The following SDK1 variants were observed in gnomAD, a reference collection of about 807,000 sequenced individuals.
The protein encoded by SDK1 is sidekick cell adhesion molecule 1, also known as protein sidekick-1.
Under a neutral mutation model 245.5 loss-of-function variants are expected in SDK1, and 157 were observed. That is an observed-to-expected ratio of 0.64 (90% CI 0.56 to 0.73). SDK1 has a LOEUF of 0.73. SDK1 is among the 30% of genes least tolerant of loss of function. SDK1 has a pLI of 0.00. For synonymous variants in SDK1, 1,647 were observed against 1,278.5 expected, an observed-to-expected ratio of 1.29 and a Z score of -6.15; for missense variants, 3,583 against 3,002.3, an observed-to-expected ratio of 1.19 and a Z score of -4.52.
At chr7:3,597,153 T>A (rs905266893) in intron 1 of SDK1, among the ~76,000 whole-genome samples, 1 of 150,936 alleles carries the variant, frequency 6.6e-6, no homozygotes, top group African/African-American at 2.4e-5. Context: ...GTGCCTGTAG[T>A]CCCAGCTACT....
intron 35 of SDK1, among the ~76,000 whole-genome samples, chr7:4,203,282 C>T (rs1783997871): frequency 6.6e-6 from 1 of 152,216 alleles, no homozygotes; most frequent in Non-Finnish European, 1.5e-5. Context: ...AAGCTTGTCT[C>T]TCATTGCCTC....
At position 4,268,886 on chromosome 7, in the gene SDK1, C is replaced by T; in HGVS notation, c.*3502C>T. On this transcript the variant is annotated 3_prime_UTR_variant, in exon 45 of 45. Transcript: ENST00000404826. ...CCCTAAACGTTCCCTACAACTTTTT[C>T]TGAAATTGTGCAGAAAAACAGATCT... 2.1e-6 allele frequency: 1 copy of T among 471,338 alleles called. No homozygotes were observed. 29.2% of individuals were successfully genotyped at this position (471,338 alleles called of 1,614,324 possible).
chr7:4,020,887 A>G (rs1786835032), intron 17 of SDK1, among the ~76,000 whole-genome samples: 1 of 152,190 alleles, frequency 6.6e-6, no homozygotes, highest in African/African-American at 2.4e-5. Context: ...ATGAGATACT[A>G]CGTGTGAAAA....
In SDK1 at chr7:4,268,290, T is replaced by G. The variant is rs537417872; in HGVS notation, c.*2906T>G. ...ACAGGGATGGGTGTGCAGAGCTCCC[T>G]CCTCCTGGGGTGCCAGGGCAGAGAT... On this transcript the variant is annotated 3_prime_UTR_variant, in exon 45 of 45. Transcript: ENST00000404826. 3 of 1,024,874 alleles carry G rather than the reference T, an allele frequency of 2.9e-6. No individual in the cohort carries two copies. Among genetic ancestry groups the G allele is most frequent in the Non-Finnish European group, 3.5e-6 (3 of 853,364 alleles). 63.5% of individuals were successfully genotyped at this position (1,024,874 alleles called of 1,614,324 possible). A position where few individuals can be genotyped will look rare whatever the true frequency, so the allele number is the denominator to read the frequency against.
chr7:4,013,459 A>G (rs1045066114), intron 16 of SDK1, among the ~76,000 whole-genome samples: 3 of 152,206 alleles, frequency 2.0e-5, no homozygotes, highest in Non-Finnish European at 4.4e-5. Flanking sequence ...GGCTCGTTCC[A>G]AGTGTGTGAT....
At chr7:4,096,484 C>T (rs1050188683) in intron 22 of SDK1, among the ~76,000 whole-genome samples, 35 of 152,090 alleles carry the variant, frequency 2.3e-4, no homozygotes, top group Admixed American at 2.2e-3. Context: ...GCCAACTATA[C>T]CGGGATGGGT....
At chr7:3,500,750 C>T (rs1408166039) in intron 1 of SDK1, among the ~76,000 whole-genome samples, 1 of 151,966 alleles carries the variant, frequency 6.6e-6, no homozygotes, top group African/African-American at 2.4e-5. Context: ...ATTTTTTCCT[C>T]TCCTTTCTTT....
At chr7:3,556,187 T>C (rs573466204) in intron 1 of SDK1, among the ~76,000 whole-genome samples, 1 of 151,568 alleles carries the variant, frequency 6.6e-6, no homozygotes, top group African/African-American at 2.4e-5. Flanking sequence ...AGCAGATGAA[T>C]GGATAAAGAA....
intron 1 of SDK1, among the ~76,000 whole-genome samples, chr7:3,312,313 G>A (rs1273149265): frequency 6.6e-6 from 1 of 152,152 alleles, no homozygotes; most frequent in Non-Finnish European, 1.5e-5. Flanking sequence ...GAAGAAACAA[G>A]TCATGCTATA....
chr7:3,314,782 A>T (rs116552597), intron 1 of SDK1, among the ~76,000 whole-genome samples: 2,455 of 152,306 alleles, frequency 0.016, 59 homozygotes, highest in African/African-American at 0.05. Flanking sequence ...GTTTTATTAG[A>T]TGTAGAGATG....
intron 30 of SDK1, 66 bp downstream of exon 30, chr7:4,149,529 C>A (rs1352225711): frequency 7.7e-6 from 9 of 1,175,804 alleles, no homozygotes; most frequent in Admixed American, 3.8e-5. Flanking sequence ...CAGCTCCTGT[C>A]CAGATAGTGG....
rs567396029 is a variant in SDK1, at chr7:3,696,936, G to A, written c.713+54831G>A. Among the ~76,000 whole-genome samples the A allele has an allele frequency of 4.6e-5, 7 of 151,736 alleles. No individual in the cohort carries two copies. The South Asian group carries it at 1.3e-3, about 27-fold the overall frequency. ...AAAAAAAAAAACTCATAAGTAATAC[G>A]GTTTATGGAAAAATTCATCTTGTTT... On this transcript the variant is annotated intron_variant, in intron 4 of 44. Transcript: ENST00000404826.
chr7:3,853,391 G>C (rs550721777), intron 5 of SDK1, among the ~76,000 whole-genome samples: 9 of 152,140 alleles, frequency 5.9e-5, no homozygotes, highest in African/African-American at 9.6e-5. Context: ...AATCTGGCCT[G>C]TGTTTTAAAA....
rs770410026 is a variant in SDK1, at chr7:4,114,240, G to T, written c.3789G>T (p.Trp1263Cys). 1 of 1,612,128 alleles carries T rather than the reference G, an allele frequency of 6.2e-7. No homozygotes were observed. Among genetic ancestry groups the T allele is most frequent in the Non-Finnish European group, 8.5e-7 (1 of 1,179,518 alleles). ...QAFNAVGAGP[W>C]SEVVRGRTRE... ...TCAACGCCGTCGGGGCTGGGCCGTG[G>T]AGCGAGGTGGTGCGGGGCCGGACGC... Residue 1263 changes from tryptophan (W) to cysteine (C), a missense_variant, in exon 25 of 45, where the codon TGG becomes TGT. Coordinates refer to ENST00000404826, the MANE Select transcript of SDK1 (RefSeq NM_152744.4).
In SDK1 at chr7:4,074,995, C is replaced by T. The variant is rs544520495; in HGVS notation, c.3011-2003C>T. Among the ~76,000 whole-genome samples, 18 of 149,032 alleles carry T rather than the reference C, an allele frequency of 1.2e-4. No homozygotes were observed. In the South Asian group the frequency reaches 2.8e-3, roughly 23 times the overall value. On this transcript the variant is annotated intron_variant, in intron 20 of 44. Transcript: ENST00000404826. ...GTGGTTGGCCTGGGTAGTCGGCCTT[C>T]TCCCCTCTCCCTGGGAGGAGGAAAA... is the stretch of plus-strand genomic sequence containing the variant.
At position 4,268,112 on chromosome 7, in the gene SDK1, C is replaced by T; in HGVS notation, c.*2728C>T. ...GCTAGATGGAATGTGCTCCCGCTCTCTCCTGCCGTGCTGAAAGTCATGCCT... is the reference window on the plus strand; with the variant it reads ...GCTAGATGGAATGTGCTCCCGCTCTTTCCTGCCGTGCTGAAAGTCATGCCT... On this transcript the variant is annotated 3_prime_UTR_variant, in exon 45 of 45. Transcript: ENST00000404826. The T allele has an allele frequency of 1.0e-6, 1 of 985,910 alleles. No homozygotes were observed. 61.1% of individuals were successfully genotyped at this position (985,910 alleles called of 1,614,324 possible).
At chr7:4,072,910 G>A (rs572508335) in intron 20 of SDK1, among the ~76,000 whole-genome samples, 4 of 152,336 alleles carry the variant, frequency 2.6e-5, no homozygotes, top group South Asian at 4.1e-4. Flanking sequence ...GCGCCTGCCC[G>A]AGTAAATTGC....
intron 37 of SDK1, among the ~76,000 whole-genome samples, 184 bp from the exon 38 acceptor site, chr7:4,209,841 T>A (rs1194854041): frequency 6.6e-6 from 1 of 152,242 alleles, no homozygotes; most frequent in Non-Finnish European, 1.5e-5. Flanking sequence ...GGTCTGCGTG[T>A]CTGATTGATC....
At chr7:3,826,745 G>A (rs1331562258) in intron 5 of SDK1, among the ~76,000 whole-genome samples, 1 of 152,150 alleles carries the variant, frequency 6.6e-6, no homozygotes, top group African/African-American at 2.4e-5. Flanking sequence ...GTCACCTGGG[G>A]CCACCTGACC....
Sources: allele counts gnomAD v4.1 joint callset (sites outside exome capture counted in the v4.1 genomes callset), GRCh38; gene constraint gnomAD v4.1.1; transcripts MANE v1.5; gene names NCBI Gene and HGNC (gene_info 2026-07-23, HGNC 2026-07-21).